Variants in ZNF407 observed in about 807,000 individuals in gnomAD.
ZNF407 encodes the protein zinc finger protein 407.
A neutral mutation model predicts 131.2 loss-of-function variants in ZNF407; 17 were observed. The observed-to-expected ratio is 0.13, with a 90% CI of 0.09 to 0.19. ZNF407 has a LOEUF of 0.19. Ranked by LOEUF, ZNF407 falls within the 10% of genes least tolerant of loss-of-function variation. The pLI is 1.00. For synonymous variants in ZNF407, 1,156 were observed against 1,062.0 expected, an observed-to-expected ratio of 1.09 and a Z score of -1.72; for missense variants, 2,681 against 2,830.6, an observed-to-expected ratio of 0.95 and a Z score of 1.20.
intron 4 of ZNF407, among the ~76,000 whole-genome samples, chr18:74,809,194 C>G (rs191473072): frequency 2.6e-5 from 4 of 152,308 alleles, no homozygotes; most frequent in African/African-American, 9.6e-5. Flanking sequence ...AAATTCTGCT[C>G]TCTTTAATAT....
intron 3 of ZNF407, among the ~76,000 whole-genome samples, chr18:74,691,274 T>G (rs986255199): frequency 1.3e-5 from 2 of 151,764 alleles, no homozygotes; most frequent in Non-Finnish European, 2.9e-5. Flanking sequence ...AGCAAAACTC[T>G]GTCTCAAAAA....
intron 4 of ZNF407, among the ~76,000 whole-genome samples, chr18:74,854,137 A>G (rs2145150623): frequency 6.6e-6 from 1 of 152,196 alleles, no homozygotes; most frequent in South Asian, 2.1e-4. Flanking sequence ...CACAGTATCC[A>G]CCCCTGGGGA....
chr18:75,002,782 G>A (rs1034582849), intron 8 of ZNF407, among the ~76,000 whole-genome samples: 1 of 145,988 alleles, frequency 6.8e-6, no homozygotes, highest in Non-Finnish European at 1.5e-5. Context: ...TCCAGCCTGG[G>A]CAACAGAGCG....
intron 3 of ZNF407, among the ~76,000 whole-genome samples, chr18:74,730,933 G>C (rs1968280704): frequency 6.6e-6 from 1 of 152,064 alleles, no homozygotes; most frequent in Non-Finnish European, 1.5e-5. Context: ...AATATTTTAG[G>C]TTTGTTTTTC....
In ZNF407 at chr18:74,817,279, T is replaced by G. The variant is rs190414994; in HGVS notation, c.4877+35777T>G. Among the ~76,000 whole-genome samples the G allele has an allele frequency of 2.3e-3, 343 of 152,302 alleles. 3 individuals are homozygous for G. Among genetic ancestry groups the G allele is most frequent in the African/African-American group, 7.9e-3 (327 of 41,560 alleles). On this transcript the variant is annotated intron_variant, in intron 4 of 8. Coordinates refer to ENST00000299687, the MANE Select transcript of ZNF407 (RefSeq NM_017757.3). The stretch of plus-strand genomic sequence containing the variant: ...GCAGGGAGTGAGTGTTGGTGCCTCT[T>G]CTATAGTCCTGTTGTTTTTCTTATT...
chr18:74,900,148 G>A (rs724893), intron 7 of ZNF407, among the ~76,000 whole-genome samples: 133 of 152,314 alleles, frequency 8.7e-4, no homozygotes, highest in African/African-American at 3.1e-3. Context: ...CAGTGTATAC[G>A]TGATTAGGGT....
intron 4 of ZNF407, among the ~76,000 whole-genome samples, chr18:74,861,496 A>T (rs190309645): frequency 6.6e-6 from 1 of 152,238 alleles, no homozygotes; most frequent in Non-Finnish European, 1.5e-5. Context: ...CAAGGAGATA[A>T]ATAGGAATTT....
At chr18:74,763,934 C>T (rs1160687421) in intron 3 of ZNF407, among the ~76,000 whole-genome samples, 8 of 151,536 alleles carry the variant, frequency 5.3e-5, no homozygotes, top group African/African-American at 1.7e-4. Context: ...AGGATGGTCT[C>T]GATCTCCTGA....
At chr18:74,653,198 T>C (rs1426097055) in intron 3 of ZNF407, among the ~76,000 whole-genome samples, 2 of 151,886 alleles carry the variant, frequency 1.3e-5, no homozygotes, top group Non-Finnish European at 2.9e-5. Context: ...TATATGGTTT[T>C]CCAATCAAAA....
At chr18:75,021,156 CAA>C (rs1185876484) in intron 8 of ZNF407, among the ~76,000 whole-genome samples, 1 of 151,790 alleles carries the variant, frequency 6.6e-6, no homozygotes, top group Non-Finnish European at 1.5e-5. Context: ...TAAAAAGGTA[CAA>C]AAAAGCAACA....
intron 3 of ZNF407, among the ~76,000 whole-genome samples, chr18:74,734,497 C>T (rs1392812619): frequency 6.6e-6 from 1 of 152,090 alleles, no homozygotes; most frequent in Non-Finnish European, 1.5e-5. Context: ...TGATAGTTTT[C>T]TCTTCTATAG....
At chr18:74,874,249 A>T (rs1363347062) in intron 4 of ZNF407, among the ~76,000 whole-genome samples, 1 of 152,192 alleles carries the variant, frequency 6.6e-6, no homozygotes, top group African/African-American at 2.4e-5. Flanking sequence ...ACCCTCTCAG[A>T]TTGTAATCTT....
rs147069284 is a variant in ZNF407, at chr18:74,622,780, G to A, written c.-53-8187G>A. 1.8e-3 allele frequency among the ~76,000 whole-genome samples: 265 copies of A among 151,160 alleles called. 2 individuals are homozygous for A. The highest frequency in any genetic ancestry group is 6.0e-3 in the African/African-American group (245 of 40,564). Reference sequence around the variant, plus strand: ...TGAATATTTGTGTGTGAGAGTGCGCGTGTCATTGTGTCTGTGTCTGAATTT... The same window carrying A: ...TGAATATTTGTGTGTGAGAGTGCGCATGTCATTGTGTCTGTGTCTGAATTT... On this transcript the variant is annotated intron_variant, in intron 1 of 8. Coordinates refer to ENST00000299687, the MANE Select transcript of ZNF407 (RefSeq NM_017757.3).
intron 8 of ZNF407, among the ~76,000 whole-genome samples, chr18:75,009,574 G>C (rs903216620): frequency 6.6e-6 from 1 of 152,156 alleles, no homozygotes; most frequent in African/African-American, 2.4e-5. Flanking sequence ...GGAATTTTAT[G>C]AACAATGACA....
intron 3 of ZNF407, among the ~76,000 whole-genome samples, chr18:74,735,876 C>A (rs1390635539): frequency 6.6e-6 from 1 of 152,182 alleles, no homozygotes; most frequent in Non-Finnish European, 1.5e-5. Context: ...AAGGGTGCTT[C>A]TCTCAAAAAT....
At chr18:74,708,709 C>T (rs902560470) in intron 3 of ZNF407, among the ~76,000 whole-genome samples, 1 of 152,244 alleles carries the variant, frequency 6.6e-6, no homozygotes, top group African/African-American at 2.4e-5. Context: ...CTCATCCTTC[C>T]TTGGTGGGGT....
At chr18:74,892,699 A>G (rs1169172871) in intron 7 of ZNF407, among the ~76,000 whole-genome samples, 3 of 152,230 alleles carry the variant, frequency 2.0e-5, no homozygotes, top group Non-Finnish European at 4.4e-5. Flanking sequence ...ATTTTTGGAT[A>G]ATTGCTGAGA....
chr18:74,778,481 A>G (rs1279545456), intron 3 of ZNF407, among the ~76,000 whole-genome samples: 1 of 151,836 alleles, frequency 6.6e-6, no homozygotes, highest in African/African-American at 2.4e-5. Flanking sequence ...TATGATACAT[A>G]TTTTACTGTT....
intron 8 of ZNF407, among the ~76,000 whole-genome samples, chr18:74,991,068 T>G (rs922886130): frequency 1.3e-5 from 2 of 152,240 alleles, no homozygotes; most frequent in African/African-American, 4.8e-5. Context: ...TTGTCTGATG[T>G]GCTAGTTCAG....
Sources: gnomAD v4.1 joint callset for allele counts (sites outside exome capture counted in the v4.1 genomes callset) on GRCh38, gnomAD v4.1.1 for gene constraint, MANE v1.5 for transcripts, NCBI Gene and HGNC (gene_info 2026-07-23, HGNC 2026-07-21) for gene names.